PDE7B: variants seen among roughly 807,000 people sequenced by gnomAD.
The protein encoded by PDE7B is phosphodiesterase 7B.
A neutral mutation model predicts 56.2 loss-of-function variants in PDE7B; 29 were observed. The observed-to-expected ratio is 0.52, with a 90% confidence interval of 0.38 to 0.70. The LOEUF (loss-of-function observed/expected upper bound fraction) is 0.70, where lower values mean the gene tolerates loss of function less well. Among genes scored for constraint, PDE7B ranks in the 30% least tolerant of loss-of-function variants. The pLI is 0.00. For synonymous variants in PDE7B, 197 were observed against 196.9 expected (o/e 1.00, Z 0.00); for missense variants, 490 against 565.0 (o/e 0.87, Z 1.35).
At chr6:136,047,165 C>G (rs1776525214) in intron 2 of PDE7B, 1 of 152,190 alleles carries the variant, frequency 6.6e-6, no homozygotes, top group African/African-American at 2.4e-5. Context: ...TCAGCTAGAC[C>G]TGATTCTTCT....
intron 2 of PDE7B, among the ~76,000 whole-genome samples, chr6:136,004,246 A>T (rs1273799759): frequency 1.3e-5 from 2 of 152,356 alleles, no homozygotes; most frequent in East Asian, 3.9e-4. Flanking sequence ...AGCTAATATC[A>T]TACTGAATGG....
At chr6:136,074,037 C>A (rs1777090623) in intron 2 of PDE7B, among the ~76,000 whole-genome samples, 1 of 152,084 alleles carries the variant, frequency 6.6e-6, no homozygotes, top group Non-Finnish European at 1.5e-5. Flanking sequence ...GCCTGGCCAA[C>A]ATGGTGAAAC....
intron 2 of PDE7B, among the ~76,000 whole-genome samples, chr6:136,093,230 G>A (rs1221647592): frequency 6.6e-6 from 1 of 152,162 alleles, no homozygotes; most frequent in Non-Finnish European, 1.5e-5. Flanking sequence ...GTCTGACTTG[G>A]CAAATTAATA....
At chr6:136,039,034 G>A (rs116182807) in intron 2 of PDE7B, among the ~76,000 whole-genome samples, 3,615 of 152,178 alleles carry the variant, frequency 0.024, 159 homozygotes, top group African/African-American at 0.082. Flanking sequence ...TTTATGTCCT[G>A]GGCAAGTTGG....
chr6:135,925,705 T>A, intron 1 of PDE7B, among the ~76,000 whole-genome samples: 1 of 152,170 alleles, frequency 6.6e-6, no homozygotes, highest in East Asian at 1.9e-4. Flanking sequence ...ACATTTACAA[T>A]TAGAATGATC....
intron 2 of PDE7B, among the ~76,000 whole-genome samples, chr6:135,964,054 ATG>A (rs1159048788): frequency 1.3e-5 from 2 of 151,766 alleles, no homozygotes; most frequent in Non-Finnish European, 2.9e-5. Context: ...AAAAATTAAA[ATG>A]TGTTGTGACC....
At chr6:136,170,444 A>G (rs1778860403) in intron 8 of PDE7B, among the ~76,000 whole-genome samples, 1 of 152,160 alleles carries the variant, frequency 6.6e-6, no homozygotes, top group Non-Finnish European at 1.5e-5. Context: ...CCATTAAACA[A>G]TAATTCCCTG....
intron 11 of PDE7B, among the ~76,000 whole-genome samples, chr6:136,186,418 ACT>A (rs1489514294): frequency 2.6e-5 from 4 of 151,962 alleles, no homozygotes; most frequent in South Asian, 2.1e-4. Flanking sequence ...ACAGAATGAG[ACT>A]CTGTCTCAAA....
chr6:136,140,726 A>T lies in PDE7B; in HGVS notation c.167-6625A>T, dbSNP rs539408516. 4.6e-5 allele frequency among the ~76,000 whole-genome samples: 7 copies of T among 152,182 alleles called. No individual in the cohort carries two copies. In the East Asian group the frequency reaches 9.7e-4, roughly 21 times the overall value. On this transcript the variant is annotated intron_variant, in intron 3 of 12. Coordinates refer to ENST00000308191, the MANE Select transcript of PDE7B (RefSeq NM_018945.4). ...ATTCCTAGGTATTTTGTTCTCTTTG[A>T]AGCAATTGTGAATGGGAGTTCACTC...
At chr6:136,161,490 A>G (rs1299822165) in intron 8 of PDE7B, among the ~76,000 whole-genome samples, 2 of 152,228 alleles carry the variant, frequency 1.3e-5, no homozygotes, top group African/African-American at 2.4e-5. Context: ...GCAATGATTA[A>G]AAATTCTTGG....
At chr6:135,893,808 C>CTTCTT (rs1430560358) in intron 1 of PDE7B, among the ~76,000 whole-genome samples, 4 of 152,090 alleles carry the variant, frequency 2.6e-5, no homozygotes, top group Admixed American at 2.6e-4. Context: ...TTAATAATGA[C>CTTCTT]AATATCTTCT....
In PDE7B at chr6:135,889,440, ATTTT is replaced by A. The variant is rs11440304; in HGVS notation, c.21+37440_21+37443del. Among the ~76,000 whole-genome samples the A allele has an allele frequency of 3.9e-5, 4 of 103,338 alleles. No individual in the cohort carries two copies. The East Asian group carries it at 8.0e-4, about 21-fold the overall frequency. 67.8% of individuals were successfully genotyped at this position (103,338 alleles called of 152,430 possible). On this transcript the variant is annotated intron_variant, in intron 1 of 12. Coordinates refer to ENST00000308191, the MANE Select transcript of PDE7B (RefSeq NM_018945.4). ...CCACCGCACCCGAATGGTGCTACCA[ATTTT>A]TTTTTTTTTTTTTTTTTTGAGATGG... is the stretch of plus-strand genomic sequence containing the variant.
chr6:136,081,007 A>C (rs1465399283), intron 2 of PDE7B, among the ~76,000 whole-genome samples: 1 of 152,220 alleles, frequency 6.6e-6, no homozygotes, highest in Non-Finnish European at 1.5e-5. Context: ...GAAATATCCC[A>C]GCATAATGTT....
At chr6:136,165,622 C>T (rs1261897081) in intron 8 of PDE7B, 5 of 152,324 alleles carry the variant, frequency 3.3e-5, no homozygotes, top group Admixed American at 1.3e-4. Context: ...TGGTAGGGCA[C>T]TTGTCCTCCT....
intron 1 of PDE7B, among the ~76,000 whole-genome samples, chr6:135,862,702 C>T (rs1327154104): frequency 6.6e-6 from 1 of 151,682 alleles, no homozygotes; most frequent in Non-Finnish European, 1.5e-5. Flanking sequence ...TTTTTATGGG[C>T]TATTCAGATT....
At chr6:136,093,816 G>A (rs919362082) in intron 2 of PDE7B, among the ~76,000 whole-genome samples, 7 of 152,166 alleles carry the variant, frequency 4.6e-5, no homozygotes, top group African/African-American at 1.7e-4. Context: ...TGTATAAAGT[G>A]CCCCAACAGT....
intron 2 of PDE7B, among the ~76,000 whole-genome samples, chr6:136,103,449 T>A (rs1777597096): frequency 6.6e-6 from 1 of 152,140 alleles, no homozygotes; most frequent in Non-Finnish European, 1.5e-5. Flanking sequence ...ATTTGGAGAG[T>A]AGTCAGCTGA....
chr6:135,970,263 A>AG (rs1775070851), intron 2 of PDE7B, among the ~76,000 whole-genome samples: 1 of 152,128 alleles, frequency 6.6e-6, no homozygotes, highest in Non-Finnish European at 1.5e-5. Flanking sequence ...ATAAGGGGAC[A>AG]GGGAGTGACA....
In PDE7B at chr6:136,147,433, G is replaced by T. The variant is rs114553138; in HGVS notation, c.249G>T (p.Arg83Ser). 10 of 1,613,334 alleles carry T rather than the reference G, an allele frequency of 6.2e-6. No homozygotes were observed. The highest frequency in any genetic ancestry group is 1.6e-4 in the Middle Eastern group (1 of 6,082). Reference sequence around the variant, plus strand: ...TTCAAAGATACTTCCATGCATCAAGGCTGCTTCGTGGAATTATACCACAAG... The same window carrying T: ...TTCAAAGATACTTCCATGCATCAAGTCTGCTTCGTGGAATTATACCACAAG... ...LSFQRYFHAS[R>S]LLRGIIPQAP... is the part of the protein sequence containing the mutation. The change falls in exon 4 of 13, where the codon AGG becomes AGT. Residue 83 changes from arginine to serine, a missense_variant. Arg to Ser is a moderately radical substitution (Grantham distance 110). Transcript: ENST00000308191.
Sources: allele counts gnomAD v4.1 joint callset (sites outside exome capture counted in the v4.1 genomes callset), GRCh38; gene constraint gnomAD v4.1.1; transcripts MANE v1.5; gene names NCBI Gene and HGNC (gene_info 2026-07-23, HGNC 2026-07-21).